Variants in AKAP19 observed in about 807,000 individuals in gnomAD.
AKAP19 encodes A-kinase anchoring protein 19.
the AKAP19 span, among the ~76,000 whole-genome samples, chr2:190,054,809 A>C: frequency 1.3e-5 from 2 of 152,344 alleles, no homozygotes; most frequent in South Asian, 2.1e-4. Context: ...AATGGAGATC[A>C]TTAAAAAGTC....
chr2:189,948,506 A>G, the AKAP19 span, among the ~76,000 whole-genome samples: 1 of 152,182 alleles, frequency 6.6e-6, no homozygotes, highest in Admixed American at 6.5e-5. Context: ...CCCCTGCATT[A>G]CCCACTGTGA....
chr2:190,180,539 T>G, the AKAP19 span: 1 of 985,712 alleles, frequency 1.0e-6, no homozygotes, highest in Non-Finnish European at 1.2e-6. This position sits in a 1 kb window ranked among gnomAD's most constrained non-coding sequence, Gnocchi z 6.8. Context: ...TTTGCGGGTC[T>G]GTTCCCGCTG....
At chr2:190,199,230 C>CAGAT in the AKAP19 span, among the ~76,000 whole-genome samples, 8 of 152,188 alleles carry the variant, frequency 5.3e-5, no homozygotes, top group East Asian at 1.9e-4. Flanking sequence ...TGTAAAGGGT[C>CAGAT]AGATAGTACA....
At chr2:189,929,427 C>A in the AKAP19 span, among the ~76,000 whole-genome samples, 1 of 152,080 alleles carries the variant, frequency 6.6e-6, no homozygotes, top group Non-Finnish European at 1.5e-5. Context: ...CTCAATAAAT[C>A]AGAATTCTTA....
the AKAP19 span, among the ~76,000 whole-genome samples, chr2:190,169,783 T>C: frequency 2.6e-5 from 4 of 152,320 alleles, no homozygotes; most frequent in Non-Finnish European, 5.9e-5. Flanking sequence ...AGATACAGCA[T>C]ATTAGCTGGA....
At chr2:189,975,758 C>T in the AKAP19 span, among the ~76,000 whole-genome samples, 1 of 152,216 alleles carries the variant, frequency 6.6e-6, no homozygotes, top group Non-Finnish European at 1.5e-5. Context: ...GATACCCTTT[C>T]TTCCAGTTGA....
At chr2:189,922,148 A>C in the AKAP19 span, among the ~76,000 whole-genome samples, 6 of 152,168 alleles carry the variant, frequency 3.9e-5, no homozygotes, top group African/African-American at 1.2e-4. Context: ...CCCAATAATA[A>C]GAGAAACCTT....
chr2:189,936,113 G>C, the AKAP19 span, among the ~76,000 whole-genome samples: 1 of 151,972 alleles, frequency 6.6e-6, no homozygotes. Context: ...ATGAGAATTA[G>C]AATTCTATAC....
At chr2:190,115,342 T>C in the AKAP19 span, among the ~76,000 whole-genome samples, 17,951 of 56,670 alleles carry the variant, frequency 0.32, 3,329 homozygotes, top group Middle Eastern at 0.43. Context: ...TTTTTTGAGA[T>C]GGAGTCTCGC....
At chr2:190,033,237 G>T in the AKAP19 span, among the ~76,000 whole-genome samples, 4 of 152,114 alleles carry the variant, frequency 2.6e-5, no homozygotes, top group African/African-American at 4.8e-5. Flanking sequence ...ATATACTCTA[G>T]TGTCTCTCCA....
the AKAP19 span, among the ~76,000 whole-genome samples, chr2:190,174,502 T>A: frequency 1.3e-5 from 2 of 152,210 alleles, no homozygotes; most frequent in African/African-American, 4.8e-5. Flanking sequence ...ATTAGTCAAA[T>A]ATTTAATTTA....
At chr2:189,965,638 T>A in the AKAP19 span, among the ~76,000 whole-genome samples, 31 of 146,614 alleles carry the variant, frequency 2.1e-4, 1 homozygote, top group East Asian at 6.0e-4. Context: ...AATAAAAAAA[T>A]AAAAAAAAAA....
At chr2:190,098,993 G>T in the AKAP19 span, among the ~76,000 whole-genome samples, 4 of 152,250 alleles carry the variant, frequency 2.6e-5, no homozygotes, top group East Asian at 5.8e-4. Context: ...TTTGTGTTTT[G>T]CTCTTGATTA....
chr2:189,985,769 C>T, the AKAP19 span, among the ~76,000 whole-genome samples: 84 of 152,192 alleles, frequency 5.5e-4, no homozygotes, highest in Middle Eastern at 3.4e-3. Context: ...TCTGATCTAC[C>T]GACTGTAAGC....
At chr2:189,885,363 C>T in the AKAP19 span, among the ~76,000 whole-genome samples, 1 of 152,122 alleles carries the variant, frequency 6.6e-6, no homozygotes, top group Non-Finnish European at 1.5e-5. Context: ...TACAAGCTAG[C>T]CAGATAAAGA....
At chr2:189,948,401 A>T in the AKAP19 span, among the ~76,000 whole-genome samples, 14 of 151,934 alleles carry the variant, frequency 9.2e-5, no homozygotes, top group African/African-American at 3.1e-4. Context: ...TTAGCTTTTT[A>T]AAAAATAGTT....
chr2:189,980,821 T>C, the AKAP19 span, among the ~76,000 whole-genome samples: 1 of 152,196 alleles, frequency 6.6e-6, no homozygotes. Context: ...TCCATGTATT[T>C]TTGTGGTTTT....
At chr2:189,978,070 A>T in the AKAP19 span, among the ~76,000 whole-genome samples, 1 of 152,180 alleles carries the variant, frequency 6.6e-6, no homozygotes. Context: ...AAGCTATCCT[A>T]TTTGATAGGT....
At chr2:190,148,953 CTT>C in the AKAP19 span, among the ~76,000 whole-genome samples, 77 of 133,976 alleles carry the variant, frequency 5.7e-4, no homozygotes, top group African/African-American at 2.1e-3. Context: ...TCTTTTCTTT[CTT>C]TTTTTTTTTT....
Sources: gnomAD v4.1 joint callset for allele counts (sites outside exome capture counted in the v4.1 genomes callset) on GRCh38, gnomAD v4.1.1 for gene constraint, Gnocchi (gnomAD v3.1) non-coding constraint, MANE v1.5 for transcripts, NCBI Gene and HGNC (gene_info 2026-07-23, HGNC 2026-07-21) for gene names.